Variants in PTPRD observed in about 807,000 individuals in gnomAD.
PTPRD encodes the protein protein tyrosine phosphatase receptor type D.
PTPRD carries 34 observed loss-of-function variants against 214.5 expected under a neutral mutation model. That is an observed-to-expected ratio of 0.16 (90% confidence interval 0.12 to 0.21). The LOEUF is 0.21. Among genes scored for constraint, PTPRD ranks in the 10% least tolerant of loss-of-function variants. The pLI is 1.00. For missense variants in PTPRD, 2,545 were observed against 2,398.7 expected (o/e 1.06, Z -1.27); for synonymous variants, 1,128 against 845.7 (o/e 1.33, Z -5.79).
intron 8 of PTPRD, among the ~76,000 whole-genome samples, chr9:9,450,767 C>G (rs2091922442): frequency 6.6e-6 from 1 of 150,788 alleles, no homozygotes; most frequent in African/African-American, 2.4e-5. Context: ...GTGTGTGTGT[C>G]CCTGTAAAAT....
intron 2 of PTPRD, among the ~76,000 whole-genome samples, chr9:10,391,012 A>G (rs2098051164): frequency 1.3e-5 from 2 of 151,834 alleles, no homozygotes; most frequent in South Asian, 4.1e-4. Flanking sequence ...ATGGAGGAGA[A>G]CACTCACCAT....
chr9:9,448,080 G>A (rs563066960), intron 8 of PTPRD, among the ~76,000 whole-genome samples: 3 of 152,188 alleles, frequency 2.0e-5, no homozygotes, highest in South Asian at 2.1e-4. Context: ...ATAGAAACAG[G>A]TTTTGGAGAA....
At chr9:8,332,798 T>TAG (rs774124232) in intron 43 of PTPRD, among the ~76,000 whole-genome samples, 1 of 152,166 alleles carries the variant, frequency 6.6e-6, no homozygotes, top group Non-Finnish European at 1.5e-5. Flanking sequence ...AATCCAAGCT[T>TAG]AGAGAGACCG....
chr9:9,916,619 T>C (rs993281724), intron 5 of PTPRD, among the ~76,000 whole-genome samples: 2 of 151,798 alleles, frequency 1.3e-5, no homozygotes, highest in Non-Finnish European at 2.9e-5. Flanking sequence ...GTGAAAGTTA[T>C]AAAAAAAGAT....
At chr9:9,546,486 T>C (rs1209725526) in intron 8 of PTPRD, among the ~76,000 whole-genome samples, 1 of 151,806 alleles carries the variant, frequency 6.6e-6, no homozygotes, top group Non-Finnish European at 1.5e-5. Flanking sequence ...CCTTAGGTGA[T>C]TTTGCATAGA....
intron 2 of PTPRD, among the ~76,000 whole-genome samples, chr9:10,353,456 G>A (rs150680542): frequency 6.6e-6 from 1 of 151,810 alleles, no homozygotes; most frequent in African/African-American, 2.4e-5. Context: ...ATTATAATAA[G>A]AACTATTTTA....
intron 10 of PTPRD, among the ~76,000 whole-genome samples, chr9:9,170,129 C>A (rs866220966): frequency 6.6e-6 from 1 of 152,098 alleles, no homozygotes; most frequent in East Asian, 1.9e-4. Context: ...CAATAAATAT[C>A]GCAATCTGTG....
intron 7 of PTPRD, among the ~76,000 whole-genome samples, chr9:9,729,067 G>C (rs1338279530): frequency 6.6e-6 from 1 of 152,040 alleles, no homozygotes; most frequent in East Asian, 1.9e-4. Context: ...TGGAAACGTG[G>C]CTCTAGATTT....
At chr9:8,620,996 A>G (rs1366681052) in intron 14 of PTPRD, among the ~76,000 whole-genome samples, 2 of 152,062 alleles carry the variant, frequency 1.3e-5, no homozygotes, top group Non-Finnish European at 2.9e-5. Context: ...TTAAAGGACT[A>G]CTTTATGAAA....
chr9:8,977,726 C>T (rs577503512), intron 11 of PTPRD, among the ~76,000 whole-genome samples: 14 of 148,160 alleles, frequency 9.4e-5, no homozygotes, highest in East Asian at 2.0e-4. Flanking sequence ...TCCCCTGGTA[C>T]ACAACTTAGA....
In PTPRD at chr9:8,872,163, T is replaced by C. The variant is rs1000642641; in HGVS notation, c.-103-138217A>G. 2.6e-5 allele frequency among the ~76,000 whole-genome samples: 4 copies of C among 152,310 alleles called. No homozygotes were observed. The East Asian group carries it at 7.7e-4, about 29-fold the overall frequency. ...ATGTCTCAGCGTAGCCAAAATAATT[T>C]CCTCTCCTGGGTCTCCTATGGCAAA... On this transcript the variant is annotated intron_variant, in intron 11 of 45. Coordinates refer to ENST00000381196, the MANE Select transcript of PTPRD (RefSeq NM_002839.4).
chr9:10,307,683 G>C (rs549998169), intron 3 of PTPRD, among the ~76,000 whole-genome samples: 3 of 152,036 alleles, frequency 2.0e-5, no homozygotes, highest in South Asian at 2.1e-4. Context: ...GTGTATAACA[G>C]TTCCCTTAAA....
chr9:8,858,958 A>C (rs2098032426), intron 11 of PTPRD, among the ~76,000 whole-genome samples: 1 of 152,214 alleles, frequency 6.6e-6, no homozygotes, highest in Non-Finnish European at 1.5e-5. Context: ...TAAGAGATGC[A>C]CACCCGGGCG....
intron 10 of PTPRD, among the ~76,000 whole-genome samples, chr9:9,089,669 A>G (rs1388102648): frequency 1.3e-5 from 2 of 152,048 alleles, no homozygotes; most frequent in Non-Finnish European, 2.9e-5. Flanking sequence ...CTCCTCTCCA[A>G]TTTTTCCTGA....
chr9:10,585,171 T>C (rs1242577542), intron 2 of PTPRD, among the ~76,000 whole-genome samples: 1 of 152,076 alleles, frequency 6.6e-6, no homozygotes, highest in East Asian at 1.9e-4. Flanking sequence ...TAGTGATGAA[T>C]GGGAGAAGGA....
intron 14 of PTPRD, among the ~76,000 whole-genome samples, chr9:8,597,098 C>T (rs759452903): frequency 2.6e-5 from 4 of 152,038 alleles, no homozygotes; most frequent in South Asian, 2.1e-4. Context: ...TACAATCATG[C>T]GTTACAAATG....
At chr9:8,587,458 G>C (rs1451845050) in intron 14 of PTPRD, among the ~76,000 whole-genome samples, 1 of 152,080 alleles carries the variant, frequency 6.6e-6, no homozygotes, top group Admixed American at 6.6e-5. Context: ...ATACATATTG[G>C]CTTCTGCCAC....
chr9:9,706,790 A>T (rs2097623109), intron 7 of PTPRD, among the ~76,000 whole-genome samples: 1 of 152,104 alleles, frequency 6.6e-6, no homozygotes, highest in Non-Finnish European at 1.5e-5. Flanking sequence ...TGTCCACCGG[A>T]AACATATATA....
intron 12 of PTPRD, among the ~76,000 whole-genome samples, chr9:8,696,340 G>A (rs1321784102): frequency 6.6e-6 from 1 of 152,190 alleles, no homozygotes; most frequent in South Asian, 2.1e-4. Context: ...TTAACTCATT[G>A]ATTTATTCAC....
Sources: allele counts gnomAD v4.1 joint callset (sites outside exome capture counted in the v4.1 genomes callset), GRCh38; gene constraint gnomAD v4.1.1; transcripts MANE v1.5; gene names NCBI Gene and HGNC (gene_info 2026-07-23, HGNC 2026-07-21).